Variants in CSMD1 observed in about 807,000 individuals in gnomAD.
CSMD1 encodes CUB and sushi domain-containing protein 1.
CSMD1 carries 213 observed loss-of-function variants against 417.5 expected under a neutral mutation model. The ratio of observed to expected loss-of-function variants is 0.51; its 90% CI spans 0.46 to 0.57. The LOEUF (loss-of-function observed/expected upper bound fraction) is 0.57, where lower values mean the gene tolerates loss of function less well. Among genes scored for constraint, CSMD1 ranks in the 20% least tolerant of loss-of-function variants. The probability of loss-of-function intolerance (pLI) is 0.00; values close to 1 mark genes in which losing one functional copy is unlikely to be tolerated. For missense variants in CSMD1, 6,923 were observed against 4,529.7 expected (o/e 1.53, Z -15.17); for synonymous variants, 2,862 against 1,736.8 (o/e 1.65, Z -16.11).
intron 41 of CSMD1, among the ~76,000 whole-genome samples, chr8:3,134,007 G>C (rs1294156317): frequency 6.6e-6 from 1 of 152,026 alleles, no homozygotes; most frequent in Non-Finnish European, 1.5e-5. Flanking sequence ...GTGAAACCCT[G>C]TCTCCACTAA....
At chr8:4,430,335 T>C (rs1470111487) in intron 2 of CSMD1, among the ~76,000 whole-genome samples, 1 of 152,152 alleles carries the variant, frequency 6.6e-6, no homozygotes, top group Admixed American at 6.6e-5. Flanking sequence ...ACTGATAGTT[T>C]TCCTTCCTAA....
chr8:3,664,780 C>A (rs958751007), intron 7 of CSMD1, among the ~76,000 whole-genome samples: 4 of 152,192 alleles, frequency 2.6e-5, no homozygotes, highest in South Asian at 2.1e-4. Context: ...CATCCTGACA[C>A]TGGTAAAACT....
chr8:3,505,090 C>T (rs1427462460), intron 10 of CSMD1, among the ~76,000 whole-genome samples: 1 of 151,942 alleles, frequency 6.6e-6, no homozygotes, highest in African/African-American at 2.4e-5. Flanking sequence ...TCTGTAACCC[C>T]TGAAATAAAG....
intron 23 of CSMD1, among the ~76,000 whole-genome samples, chr8:3,311,851 A>ATTGT (rs1805376821): frequency 6.6e-6 from 1 of 152,148 alleles, no homozygotes; most frequent in South Asian, 2.1e-4. Context: ...GGACTTACAA[A>ATTGT]TTGTTTCAGT....
chr8:4,654,384 C>G (rs918592684), intron 1 of CSMD1, among the ~76,000 whole-genome samples: 2 of 152,118 alleles, frequency 1.3e-5, no homozygotes, highest in Non-Finnish European at 2.9e-5. Flanking sequence ...CTCCACCCCT[C>G]TGATGCTCTC....
intron 10 of CSMD1, among the ~76,000 whole-genome samples, chr8:3,507,555 T>C (rs1017560702): frequency 1.3e-4 from 20 of 152,166 alleles, no homozygotes; most frequent in Non-Finnish European, 1.6e-4. Flanking sequence ...GTATTTCTAG[T>C]TCTAGATCCC....
At chr8:3,284,994 A>ATT (rs543777013) in intron 25 of CSMD1, among the ~76,000 whole-genome samples, 3 of 152,184 alleles carry the variant, frequency 2.0e-5, no homozygotes, top group Non-Finnish European at 2.9e-5. Flanking sequence ...GTGACTTAAA[A>ATT]ATCTCTATGC....
chr8:3,938,738 C>T (rs1481695602), intron 5 of CSMD1, among the ~76,000 whole-genome samples: 1 of 152,158 alleles, frequency 6.6e-6, no homozygotes, highest in Non-Finnish European at 1.5e-5. Context: ...TTTTCCTCAT[C>T]TCAGCAATCT....
chr8:3,391,600 A>C (rs574706886), intron 17 of CSMD1, among the ~76,000 whole-genome samples: 73 of 152,308 alleles, frequency 4.8e-4, no homozygotes, highest in African/African-American at 1.7e-3. Context: ...TGAGTGCATG[A>C]AGCAGAACTG....
intron 2 of CSMD1, among the ~76,000 whole-genome samples, chr8:4,604,892 G>C (rs1420033589): frequency 6.6e-6 from 1 of 152,118 alleles, no homozygotes; most frequent in African/African-American, 2.4e-5. Context: ...TGACTCTGAC[G>C]GTGTTCGGGG....
chr8:3,341,113 G>T (rs766166762), intron 23 of CSMD1, among the ~76,000 whole-genome samples: 2 of 152,174 alleles, frequency 1.3e-5, no homozygotes, highest in African/African-American at 4.8e-5. Flanking sequence ...GCTGGATGCC[G>T]GGGAGCAATA....
intron 23 of CSMD1, among the ~76,000 whole-genome samples, chr8:3,340,233 C>A (rs1443330880): frequency 1.3e-5 from 2 of 152,176 alleles, no homozygotes; most frequent in East Asian, 3.8e-4. Context: ...TATCTGAAGA[C>A]TCGGTTTTTA....
chr8:4,743,612 ATT>A lies in CSMD1; in HGVS notation c.86-106056_86-106055del, dbSNP rs1810765274. On this transcript the variant is annotated intron_variant, in intron 1 of 69. Coordinates refer to ENST00000635120, the MANE Select transcript of CSMD1 (RefSeq NM_033225.6). ...GTCATTCCCTGGATAGTCAAACGCT[ATT>A]CAAATTTTACAAGTTGCTTTTCCAA... Among the ~76,000 whole-genome samples the A allele has an allele frequency of 2.0e-5, 3 of 152,308 alleles. No homozygotes were observed. The East Asian group carries it at 5.8e-4, about 29-fold the overall frequency.
chr8:4,028,804 G>T (rs931704192), intron 4 of CSMD1, among the ~76,000 whole-genome samples: 20 of 152,112 alleles, frequency 1.3e-4, no homozygotes, highest in Admixed American at 1.2e-3. Context: ...AAATTTTCTG[G>T]CATCTCATTA....
In CSMD1 at chr8:3,723,028, G is replaced by A. The variant is rs547332765; in HGVS notation, c.932-14537C>T. ...AAGCTCAGCTGGGCCCTCTGAGCTG[G>A]GTCTAACACTCAAGGAACTAGCGCA... On this transcript the variant is annotated intron_variant, in intron 6 of 69. Transcript: ENST00000635120. Among the ~76,000 whole-genome samples, 8 of 152,246 alleles carry A rather than the reference G, an allele frequency of 5.3e-5. 1 individual carries two copies. The South Asian group carries it at 1.7e-3, about 32-fold the overall frequency.
At chr8:3,239,495 CG>C (rs779956323) in intron 26 of CSMD1, among the ~76,000 whole-genome samples, 1 of 152,126 alleles carries the variant, frequency 6.6e-6, no homozygotes, top group African/African-American at 2.4e-5. Flanking sequence ...TTTGCTGACT[CG>C]GGGCATGTTG....
chr8:4,650,483 T>C lies in CSMD1; in HGVS notation c.86-12925A>G, dbSNP rs138646314. Among the ~76,000 whole-genome samples, 46 of 152,302 alleles carry C rather than the reference T, an allele frequency of 3.0e-4. No homozygotes were observed. The East Asian group carries it at 7.9e-3, about 26-fold the overall frequency. On this transcript the variant is annotated intron_variant, in intron 1 of 69. Transcript: ENST00000635120. Reference sequence around the variant, plus strand: ...CAACTTTTAACTTGCTCCTAAGCTGTGGGCAAGAAATCAAAGCCCTGGCTT... The same window carrying C: ...CAACTTTTAACTTGCTCCTAAGCTGCGGGCAAGAAATCAAAGCCCTGGCTT...
At chr8:3,755,620 G>C (rs1034287406) in intron 5 of CSMD1, among the ~76,000 whole-genome samples, 12 of 152,014 alleles carry the variant, frequency 7.9e-5, no homozygotes, top group African/African-American at 2.7e-4. Context: ...CCTGTGTAGA[G>C]AGCATTTCCC....
chr8:4,399,774 G>A (rs550420100), intron 3 of CSMD1, among the ~76,000 whole-genome samples: 1 of 152,130 alleles, frequency 6.6e-6, no homozygotes, highest in Admixed American at 6.6e-5. Context: ...TTCCTCATGT[G>A]AGTCTATTTC....
Sources: gnomAD v4.1 joint callset for allele counts (sites outside exome capture counted in the v4.1 genomes callset) on GRCh38, gnomAD v4.1.1 for gene constraint, MANE v1.5 for transcripts, NCBI Gene and HGNC (gene_info 2026-07-23, HGNC 2026-07-21) for gene names.